Variants in SEZ6L observed in about 807,000 individuals in gnomAD.
SEZ6L encodes the protein seizure 6-like protein.
SEZ6L carries 37 observed loss-of-function variants against 106.2 expected under a neutral mutation model. That is an observed-to-expected ratio of 0.35 (90% CI 0.27 to 0.46). The LOEUF (loss-of-function observed/expected upper bound fraction) is 0.46, where lower values mean the gene tolerates loss of function less well. SEZ6L is among the 20% of genes least tolerant of loss of function. The pLI is 1.00. For missense variants in SEZ6L, 1,172 were observed against 1,332.8 expected (o/e 0.88, Z 1.88); for synonymous variants, 541 against 570.4 (o/e 0.95, Z 0.73).
At chr22:26,298,774 G>A (rs778995197) in intron 4 of SEZ6L, among the ~76,000 whole-genome samples, 3 of 152,152 alleles carry the variant, frequency 2.0e-5, no homozygotes, top group Non-Finnish European at 2.9e-5. Flanking sequence ...TAGGCAGGGT[G>A]GCGATTTTTA....
At chr22:26,362,231 T>C (rs925565124) in intron 12 of SEZ6L, among the ~76,000 whole-genome samples, 3 of 152,182 alleles carry the variant, frequency 2.0e-5, no homozygotes. Flanking sequence ...GATTCTGGGC[T>C]CAAACACAGA....
chr22:26,322,462 T>C (rs1465372807), intron 9 of SEZ6L, among the ~76,000 whole-genome samples: 2 of 152,038 alleles, frequency 1.3e-5, no homozygotes, highest in Non-Finnish European at 1.5e-5. Context: ...CCTGGCAAAA[T>C]GTAAGCAAAG....
chr22:26,270,209 G>A (rs187131911), intron 1 of SEZ6L, among the ~76,000 whole-genome samples: 320 of 152,288 alleles, frequency 2.1e-3, no homozygotes, highest in Non-Finnish European at 3.5e-3. Context: ...GTTTAGCCCA[G>A]TTAACGCACA....
rs192857925 is a variant in SEZ6L, at chr22:26,320,627, G to A, written c.2015+6725G>A. 1.8e-3 allele frequency among the ~76,000 whole-genome samples: 272 copies of A among 152,296 alleles called. 1 individual carries two copies. The highest frequency in any genetic ancestry group is 3.5e-3 in the Admixed American group (54 of 15,298). On this transcript the variant is annotated intron_variant, in intron 9 of 16. Coordinates refer to ENST00000248933, the MANE Select transcript of SEZ6L (RefSeq NM_021115.5). ...GCAAGACAGATGCAGCCCCGCCCCC[G>A]GGGAGCCATGTTGTAGGCTGATACA...
At chr22:26,289,138 A>T (rs3884814) in intron 1 of SEZ6L, among the ~76,000 whole-genome samples, 6,000 of 152,260 alleles carry the variant, frequency 0.039, 124 homozygotes, top group Middle Eastern at 0.065. Context: ...AAGTCATGCT[A>T]GTGAATAGTG....
chr22:26,310,860 T>C (rs666999), intron 7 of SEZ6L, 24 bp downstream of exon 7: 391,578 of 1,608,478 alleles, frequency 0.24, 50,668 homozygotes, highest in African/African-American at 0.34. Context: ...GGAGCTTCCC[T>C]TTCTCTTGTG....
chr22:26,330,515 G>A (rs954938931), intron 9 of SEZ6L, among the ~76,000 whole-genome samples: 5 of 152,162 alleles, frequency 3.3e-5, no homozygotes, highest in Non-Finnish European at 7.3e-5. Flanking sequence ...GGCTTTCCAG[G>A]TAGAGAGACT....
intron 12 of SEZ6L, among the ~76,000 whole-genome samples, chr22:26,362,478 G>A (rs2083666268): frequency 6.6e-6 from 1 of 151,974 alleles, no homozygotes; most frequent in African/African-American, 2.4e-5. Context: ...CAGCCACCCA[G>A]GGTCTTCTGA....
At chr22:26,250,051 A>G (rs1482043879) in intron 1 of SEZ6L, among the ~76,000 whole-genome samples, 1 of 152,158 alleles carries the variant, frequency 6.6e-6, no homozygotes, top group Non-Finnish European at 1.5e-5. Flanking sequence ...AGTTCCTTGT[A>G]TATTTTGCAT....
chr22:26,222,860 A>G (rs1472955587), intron 1 of SEZ6L, among the ~76,000 whole-genome samples: 3 of 152,144 alleles, frequency 2.0e-5, no homozygotes, highest in Non-Finnish European at 4.4e-5. Flanking sequence ...TTTGCCCACC[A>G]GGAGATATCT....
intron 3 of SEZ6L, 142 bp downstream of exon 3, chr22:26,294,567 G>A (rs182215344): frequency 9.2e-5 from 66 of 718,818 alleles, no homozygotes; most frequent in East Asian, 6.8e-4. Flanking sequence ...GGGTTTTGGC[G>A]AATGAGTAGG....
chr22:26,325,768 T>TC (rs5844688), intron 9 of SEZ6L, among the ~76,000 whole-genome samples: 119,902 of 152,002 alleles, frequency 0.79, 47,672 homozygotes, highest in African/African-American at 0.85. Flanking sequence ...CTCTTCGAGT[T>TC]CTGAGATGAT....
At chr22:26,346,231 G>A (rs1215074758) in intron 10 of SEZ6L, among the ~76,000 whole-genome samples, 1 of 151,914 alleles carries the variant, frequency 6.6e-6, no homozygotes, top group Admixed American at 6.6e-5. Flanking sequence ...TAGAGATGGG[G>A]AGGTCTCCCT....
chr22:26,286,431 G>A (rs1271765488), intron 1 of SEZ6L, among the ~76,000 whole-genome samples: 2 of 152,202 alleles, frequency 1.3e-5, no homozygotes, highest in Non-Finnish European at 2.9e-5. Context: ...AAAGTAGGAA[G>A]GAGAAAATAC....
At position 26,234,422 on chromosome 22, in the gene SEZ6L, A is replaced by G. The variant is rs527548323; in HGVS notation, c.95-57984A>G. The stretch of plus-strand genomic sequence containing the variant: ...CATTCCCTCCCTAGCAGCTGCGAGT[A>G]AAAAATAGAGTGGGTCGGAATTAGC... On this transcript the variant is annotated intron_variant, in intron 1 of 16. Transcript: ENST00000248933. Among the ~76,000 whole-genome samples the G allele has an allele frequency of 5.3e-5, 8 of 152,354 alleles. No homozygotes were observed. In the East Asian group the frequency reaches 9.6e-4, roughly 18 times the overall value.
intron 8 of SEZ6L, 113 bp downstream of exon 8, chr22:26,312,075 G>A: frequency 9.4e-7 from 1 of 1,062,334 alleles, no homozygotes. Context: ...ACCAACTTTA[G>A]GATTAGAACC....
At chr22:26,206,257 A>G (rs1156942079) in intron 1 of SEZ6L, among the ~76,000 whole-genome samples, 1 of 152,148 alleles carries the variant, frequency 6.6e-6, no homozygotes, top group Non-Finnish European at 1.5e-5. Flanking sequence ...CCCAACCCCA[A>G]TCGTCCCTTT....
intron 1 of SEZ6L, among the ~76,000 whole-genome samples, chr22:26,262,894 C>T (rs2080061596): frequency 6.6e-6 from 1 of 152,184 alleles, no homozygotes; most frequent in Admixed American, 6.5e-5. Context: ...GGGCTGAGAA[C>T]TTTGATTTCT....
rs2084396531 is a variant in SEZ6L, at chr22:26,381,084, T to A, written c.*789T>A. ...AAATGTTCTTTTCTTTGACACTCTTTCAATGATGAAAGAGCGTGTAATTTA... is the reference window on the plus strand; with the variant it reads ...AAATGTTCTTTTCTTTGACACTCTTACAATGATGAAAGAGCGTGTAATTTA... On this transcript the variant is annotated 3_prime_UTR_variant, in exon 17 of 17. Transcript: ENST00000248933. 6.6e-6 allele frequency: 1 copy of A among 152,140 alleles called. No individual in the cohort carries two copies. Among genetic ancestry groups the A allele is most frequent in the South Asian group, 2.1e-4 (1 of 4,810 alleles). The allele number at this position is 152,140 out of a possible 1,614,324, so 9.4% of individuals were successfully genotyped here.
Sources: allele counts gnomAD v4.1 joint callset (sites outside exome capture counted in the v4.1 genomes callset), GRCh38; gene constraint gnomAD v4.1.1; transcripts MANE v1.5; gene names NCBI Gene and HGNC (gene_info 2026-07-23, HGNC 2026-07-21).